Variants in DMD observed in about 807,000 individuals in gnomAD.
The protein encoded by DMD is dystrophin.
DMD carries 63 observed loss-of-function variants against 330.1 expected under a neutral mutation model. The ratio of observed to expected loss-of-function variants is 0.19; its 90% CI spans 0.16 to 0.24. DMD has a LOEUF of 0.24. DMD is among the 10% of genes least tolerant of loss of function. The pLI, the probability that DMD is intolerant of heterozygous loss-of-function variation, is 1.00. For missense variants in DMD, 3,344 were observed against 2,684.1 expected (o/e 1.25, Z -5.43); for synonymous variants, 1,223 against 959.8 (o/e 1.27, Z -5.07).
intron 1 of DMD, among the ~76,000 whole-genome samples, chrX:33,308,535 G>A (rs1012011517): frequency 5.4e-5 from 6 of 111,160 alleles, no homozygotes; most frequent in Non-Finnish European, 9.4e-5. Flanking sequence ...CTCTTTAAAG[G>A]AAAGGGCTAA....
chrX:31,425,509 G>T lies in DMD; in HGVS notation c.9084+18972C>A, dbSNP rs1465371026. On this transcript the variant is annotated intron_variant, in intron 60 of 78. Transcript: ENST00000357033. ...TTATGTTCAGATATTGGGCAACAAAGGACACAGCTCTGAGGAAAAAATTAA... is the reference window on the plus strand; with the variant it reads ...TTATGTTCAGATATTGGGCAACAAATGACACAGCTCTGAGGAAAAAATTAA... Among the ~76,000 whole-genome samples the T allele has an allele frequency of 2.7e-5, 3 of 111,445 alleles. No individual in the cohort carries two copies. In the Admixed American group the frequency reaches 2.9e-4, roughly 11 times the overall value.
intron 56 of DMD, among the ~76,000 whole-genome samples, chrX:31,505,610 C>T (rs1033133493): frequency 2.7e-5 from 3 of 110,595 alleles, no homozygotes; most frequent in Admixed American, 9.6e-5. Flanking sequence ...TGAAGTCAGA[C>T]TCCCTGATTT....
intron 44 of DMD, among the ~76,000 whole-genome samples, chrX:32,131,764 G>T (rs2096696141): frequency 8.9e-6 from 1 of 112,138 alleles, no homozygotes; most frequent in African/African-American, 3.2e-5. Flanking sequence ...TACGTATTCA[G>T]TGGAAAATAT....
chrX:31,241,255 C>T (rs2048252793), intron 63 of DMD, among the ~76,000 whole-genome samples: 1 of 111,599 alleles, frequency 9.0e-6, no homozygotes, highest in East Asian at 2.8e-4. Flanking sequence ...AGCTGAGGGG[C>T]TAAATCGCTG....
At chrX:32,550,829 A>G (rs1476367427) in intron 16 of DMD, among the ~76,000 whole-genome samples, 1 of 111,115 alleles carries the variant, frequency 9.0e-6, no homozygotes, top group Non-Finnish European at 1.9e-5. Context: ...GAAATAGAGA[A>G]AACCCTTAGA....
At chrX:31,215,220 C>T (rs1282232280) in intron 64 of DMD, among the ~76,000 whole-genome samples, 1 of 107,792 alleles carries the variant, frequency 9.3e-6, no homozygotes, top group Non-Finnish European at 1.9e-5. Context: ...GGATTACAGG[C>T]GTGAGCCACC....
chrX:31,638,781 G>A (rs1017184821), intron 54 of DMD, among the ~76,000 whole-genome samples: 8 of 112,133 alleles, frequency 7.1e-5, no homozygotes, highest in Admixed American at 5.7e-4. Flanking sequence ...TAGCCTCCAC[G>A]TAAGTTGCAT....
chrX:31,978,319 C>G (rs1219644260), intron 44 of DMD, among the ~76,000 whole-genome samples: 1 of 110,413 alleles, frequency 9.1e-6, no homozygotes, highest in East Asian at 2.9e-4. Context: ...AATCCAAATT[C>G]TATTTTACTG....
intron 18 of DMD, among the ~76,000 whole-genome samples, chrX:32,514,850 T>C (rs1024375176): frequency 7.1e-5 from 8 of 112,666 alleles, no homozygotes; most frequent in Admixed American, 9.3e-5. Context: ...AAACAACAGC[T>C]TTTAGTGATA....
In DMD at chrX:31,121,730, T is replaced by C. The variant is rs2032601340; in HGVS notation, c.*189A>G. The C allele has an allele frequency of 1.6e-6, 1 of 645,150 alleles. No homozygotes were observed. The highest frequency in any genetic ancestry group is 2.5e-5 in the Admixed American group (1 of 39,945). 53.2% of individuals were successfully genotyped at this position (645,150 alleles called of 1,213,427 possible). On this transcript the variant is annotated 3_prime_UTR_variant, in exon 79 of 79. Coordinates refer to ENST00000357033, the MANE Select transcript of DMD (RefSeq NM_004006.3). ...AATCTACAGTATAATACCACTACCC[T>C]TCACAAAAATATAGATTTATTTCTT...
intron 1 of DMD, among the ~76,000 whole-genome samples, chrX:33,192,410 C>T (rs564775993): frequency 4.5e-5 from 5 of 112,230 alleles, no homozygotes; most frequent in African/African-American, 1.6e-4. Flanking sequence ...CCTATTTGTA[C>T]TCATCGACTG....
At chrX:32,781,954 G>A (rs1319912716) in intron 7 of DMD, among the ~76,000 whole-genome samples, 2 of 111,248 alleles carry the variant, frequency 1.8e-5, no homozygotes, top group Admixed American at 9.6e-5. Context: ...AGATATCTCA[G>A]TTGATATCTT....
At chrX:31,659,774 C>T (rs1311278890) in intron 53 of DMD, among the ~76,000 whole-genome samples, 1 of 109,073 alleles carries the variant, frequency 9.2e-6, no homozygotes, top group Non-Finnish European at 1.9e-5. Flanking sequence ...GTAAAAAGAG[C>T]ACAATTTTCT....
chrX:32,605,427 T>C (rs1407954541), intron 12 of DMD, among the ~76,000 whole-genome samples: 1 of 110,603 alleles, frequency 9.0e-6, no homozygotes, highest in African/African-American at 3.3e-5. Flanking sequence ...GACTTAAATG[T>C]AAGACCTGAA....
chrX:32,680,836 T>A (rs2062361525), intron 9 of DMD, among the ~76,000 whole-genome samples: 1 of 111,130 alleles, frequency 9.0e-6, no homozygotes, highest in African/African-American at 3.3e-5. Context: ...ACAGTCAAAG[T>A]TGTTTTGAAC....
chrX:33,003,579 A>T (rs1247521968), intron 2 of DMD, among the ~76,000 whole-genome samples: 2 of 109,951 alleles, frequency 1.8e-5, no homozygotes, highest in African/African-American at 3.4e-5. Context: ...AGTGTATTTA[A>T]TGATCTTTCA....
intron 48 of DMD, among the ~76,000 whole-genome samples, chrX:31,861,666 G>GTATA (rs1250542440): frequency 2.5e-5 from 2 of 78,709 alleles, no homozygotes; most frequent in African/African-American, 9.8e-5. Context: ...GTGTGTGTGT[G>GTATA]TATATATATA....
intron 47 of DMD, among the ~76,000 whole-genome samples, chrX:31,876,268 G>A (rs1402648364): frequency 5.3e-5 from 6 of 112,223 alleles, no homozygotes; most frequent in Non-Finnish European, 1.1e-4. Context: ...ACATTAAATA[G>A]GTTAGGAAGC....
At chrX:32,449,558 C>CT (rs2098320903) in intron 26 of DMD, among the ~76,000 whole-genome samples, 2 of 108,648 alleles carry the variant, frequency 1.8e-5, no homozygotes, top group Admixed American at 2.0e-4. Context: ...CTCAAATCCC[C>CT]TAACACAAGC....
Sources: allele counts gnomAD v4.1 joint callset (sites outside exome capture counted in the v4.1 genomes callset), GRCh38; gene constraint gnomAD v4.1.1; transcripts MANE v1.5; gene names NCBI Gene and HGNC (gene_info 2026-07-23, HGNC 2026-07-21).